Variants in AUTS2 observed in about 807,000 individuals in gnomAD.
The protein encoded by AUTS2 is autism susceptibility gene 2 protein.
In AUTS2, 17 loss-of-function variants were observed where a neutral mutation model predicts 112.4. The observed-to-expected ratio is 0.15, with a 90% CI of 0.10 to 0.23. The LOEUF (loss-of-function observed/expected upper bound fraction) is 0.23, where lower values mean the gene tolerates loss of function less well. AUTS2 is among the 10% of genes least tolerant of loss of function. The probability of loss-of-function intolerance (pLI) is 1.00; values close to 1 mark genes in which losing one functional copy is unlikely to be tolerated. For synonymous variants in AUTS2, 751 were observed against 702.7 expected, an observed-to-expected ratio of 1.07 and a Z score of -1.09; for missense variants, 1,510 against 1,701.6, an observed-to-expected ratio of 0.89 and a Z score of 1.98.
rs1794333476 is a variant in AUTS2 at position 70,401,702 on chromosome 7, C to T, written c.661-34050C>T. 2.0e-5 allele frequency among the ~76,000 whole-genome samples: 3 copies of T among 152,176 alleles called. No homozygotes were observed. The South Asian group carries it at 6.2e-4, about 31-fold the overall frequency. Reference sequence around the variant, plus strand: ...AGCAGGCTGCAGAGGTGGGAGGAGACTGCTTCTGCTTCAAGGCCAAGGCAT... The same window carrying T: ...AGCAGGCTGCAGAGGTGGGAGGAGATTGCTTCTGCTTCAAGGCCAAGGCAT... On this transcript the variant is annotated intron_variant, in intron 4 of 18. Coordinates refer to ENST00000342771, the MANE Select transcript of AUTS2 (RefSeq NM_015570.4).
At chr7:70,448,277 C>T (rs1241534822) in intron 5 of AUTS2, among the ~76,000 whole-genome samples, 1 of 152,124 alleles carries the variant, frequency 6.6e-6, no homozygotes, top group Admixed American at 6.5e-5. Context: ...CACCTGTGTA[C>T]ATGATAGGGT....
At chr7:70,073,335 A>T (rs1199819391) in intron 2 of AUTS2, among the ~76,000 whole-genome samples, 3 of 151,544 alleles carry the variant, frequency 2.0e-5, no homozygotes, top group South Asian at 2.1e-4. Context: ...ACATGGTGAA[A>T]CCCCGTCTCT....
At chr7:69,864,648 A>G (rs1178165368) in intron 1 of AUTS2, among the ~76,000 whole-genome samples, 1 of 152,208 alleles carries the variant, frequency 6.6e-6, no homozygotes, top group Non-Finnish European at 1.5e-5. Context: ...ACCATTTATC[A>G]TTCTGTATAC....
intron 2 of AUTS2, among the ~76,000 whole-genome samples, chr7:70,108,783 C>CAAAAAAAAAAAAAAAAAAAAAAAAAAAAA (rs528009205): frequency 2.9e-5 from 2 of 69,184 alleles, no homozygotes; most frequent in Admixed American, 1.6e-4. Flanking sequence ...GCCAACATGG[C>CAAAAAAAAAAAAAAAAAAAAAAAAAAAAA]AAAAAAAAAA....
intron 4 of AUTS2, among the ~76,000 whole-genome samples, chr7:70,358,583 A>C (rs1035828673): frequency 2.0e-5 from 3 of 152,232 alleles, no homozygotes; most frequent in African/African-American, 7.2e-5. Context: ...GAACCTGCCT[A>C]TGCAGGCCCT....
chr7:70,301,411 ATG>A (rs1466868873), intron 4 of AUTS2, among the ~76,000 whole-genome samples: 1 of 152,114 alleles, frequency 6.6e-6, no homozygotes, highest in Non-Finnish European at 1.5e-5. Flanking sequence ...GTATTTTAGT[ATG>A]TGTGGATCTT....
chr7:70,410,507 T>G (rs1794729907), intron 4 of AUTS2, among the ~76,000 whole-genome samples: 1 of 151,854 alleles, frequency 6.6e-6, no homozygotes, highest in Non-Finnish European at 1.5e-5. Context: ...CACTGCACCC[T>G]TGATCTTCTG....
At chr7:70,197,706 C>T (rs1172783137) in intron 4 of AUTS2, among the ~76,000 whole-genome samples, 1 of 12,716 alleles carries the variant, frequency 7.9e-5, no homozygotes, top group African/African-American at 3.5e-4. Context: ...CACGGAATCT[C>T]GCTGATTGCT....
intron 5 of AUTS2, among the ~76,000 whole-genome samples, chr7:70,456,085 G>A (rs1585166370): frequency 6.6e-6 from 1 of 152,138 alleles, no homozygotes; most frequent in African/African-American, 2.4e-5. Context: ...TTATGCACAG[G>A]TTATATGTAT....
intron 4 of AUTS2, among the ~76,000 whole-genome samples, chr7:70,249,933 T>C (rs1412037217): frequency 6.7e-6 from 1 of 150,172 alleles, no homozygotes; most frequent in African/African-American, 2.4e-5. Flanking sequence ...TTTAAAATAT[T>C]AATTTTTTAC....
chr7:69,899,439 G>A lies in AUTS2; in HGVS notation c.463G>A (p.Asp155Asn). 1 of 1,614,002 alleles carries A rather than the reference G, an allele frequency of 6.2e-7. No homozygotes were observed. Among genetic ancestry groups the A allele is most frequent in the South Asian group, 1.1e-5 (1 of 91,064 alleles). Residue 155 changes from aspartate (D) to asparagine (N), a missense_variant, in exon 2 of 19, where the codon GAC becomes AAC. Around this residue, in one of 3 missense-constraint regions of AUTS2, gnomAD observed 535 missense variants for 594.3 expected, o/e 0.90. Coordinates refer to ENST00000342771, the MANE Select transcript of AUTS2 (RefSeq NM_015570.4). ...PHHYSSDRENDRNLCQHLGKR... is the reference protein window; with the variant it reads ...PHHYSSDRENNRNLCQHLGKR... ...CCACTACAGCTCAGATCGAGAAAAT[G>A]ACCGCAATCTCTGCCAGCACCTTGG...
intron 5 of AUTS2, among the ~76,000 whole-genome samples, chr7:70,641,011 G>C (rs1490929907): frequency 6.6e-6 from 1 of 152,134 alleles, no homozygotes; most frequent in Non-Finnish European, 1.5e-5. Context: ...GTCATCCACA[G>C]TTGCTTCTTT....
chr7:70,633,610 CAAAAAAA>C (rs71870928), intron 5 of AUTS2, among the ~76,000 whole-genome samples: 6 of 104,870 alleles, frequency 5.7e-5, no homozygotes, highest in African/African-American at 2.3e-4. Context: ...GACTCCGTCT[CAAAAAAA>C]AAAAAAAAAA....
intron 2 of AUTS2, among the ~76,000 whole-genome samples, chr7:69,953,824 C>T (rs761889098): frequency 6.6e-6 from 1 of 152,136 alleles, no homozygotes; most frequent in Non-Finnish European, 1.5e-5. Flanking sequence ...TAGTACCCCC[C>T]CAACTACTTT....
chr7:70,293,838 T>C (rs1014900311), intron 4 of AUTS2: 3 of 152,242 alleles, frequency 2.0e-5, no homozygotes, highest in African/African-American at 4.8e-5. Flanking sequence ...TCCACCTCTT[T>C]GGAGCATTTG....
intron 1 of AUTS2, among the ~76,000 whole-genome samples, chr7:69,823,896 G>T (rs534160263): frequency 1.3e-5 from 2 of 152,138 alleles, no homozygotes; most frequent in South Asian, 4.1e-4. Context: ...TACTTTGAGA[G>T]AAATTGAGAA....
intron 4 of AUTS2, among the ~76,000 whole-genome samples, chr7:70,277,752 T>A (rs1787994722): frequency 6.6e-6 from 1 of 152,170 alleles, no homozygotes; most frequent in South Asian, 2.1e-4. Flanking sequence ...TAGATTTCTG[T>A]TTTTTGTTGT....
intron 1 of AUTS2, among the ~76,000 whole-genome samples, chr7:69,852,609 T>C (rs1457042022): frequency 6.6e-6 from 1 of 152,028 alleles, no homozygotes; most frequent in East Asian, 1.9e-4. Context: ...CCTGCCACCA[T>C]GCCCGGCTAA....
chr7:70,541,513 A>G (rs1800553342), intron 5 of AUTS2, among the ~76,000 whole-genome samples: 1 of 152,246 alleles, frequency 6.6e-6, no homozygotes, highest in Non-Finnish European at 1.5e-5. Flanking sequence ...ATAAGAAGGA[A>G]CATATTCATT....
Sources: gnomAD v4.1 joint callset for allele counts (sites outside exome capture counted in the v4.1 genomes callset) on GRCh38, gnomAD v4.1.1 for gene constraint, gnomAD v4.1.1 regional missense constraint, MANE v1.5 for transcripts, NCBI Gene and HGNC (gene_info 2026-07-23, HGNC 2026-07-21) for gene names.